Variants in SGCZ observed in about 807,000 individuals in gnomAD.
The protein encoded by SGCZ is zeta-sarcoglycan.
SGCZ carries 40 observed loss-of-function variants against 41.3 expected under a neutral mutation model. The observed-to-expected ratio is 0.97, with a 90% CI of 0.75 to 1.26. SGCZ has a LOEUF of 1.26. SGCZ is among the 50% of genes most tolerant of loss of function. The pLI is 0.00. For missense variants in SGCZ, 552 were observed against 369.8 expected (o/e 1.49, Z -4.04); for synonymous variants, 206 against 137.5 (o/e 1.50, Z -3.49).
chr8:15,212,388 A>G (rs183955864), intron 1 of SGCZ, among the ~76,000 whole-genome samples: 4 of 152,064 alleles, frequency 2.6e-5, no homozygotes, highest in African/African-American at 9.7e-5. Flanking sequence ...TCAGCCCAAC[A>G]TTTTTTAAAA....
At chr8:14,476,940 A>G (rs1801379244) in intron 2 of SGCZ, among the ~76,000 whole-genome samples, 1 of 152,190 alleles carries the variant, frequency 6.6e-6, no homozygotes, top group African/African-American at 2.4e-5. Flanking sequence ...GTGCTTTCCA[A>G]AAGGTACAAA....
At chr8:14,097,811 C>T (rs954217331) in intron 7 of SGCZ, among the ~76,000 whole-genome samples, 4 of 152,114 alleles carry the variant, frequency 2.6e-5, no homozygotes, top group African/African-American at 9.7e-5. Flanking sequence ...CTTAGATCTT[C>T]TTGTTTCATT....
At chr8:15,022,916 T>C (rs2130945486) in intron 1 of SGCZ, among the ~76,000 whole-genome samples, 1 of 152,312 alleles carries the variant, frequency 6.6e-6, no homozygotes, top group African/African-American at 2.4e-5. Context: ...TCACAGCCAG[T>C]GTGTGGCAGA....
At chr8:14,520,831 T>C (rs571627959) in intron 2 of SGCZ, among the ~76,000 whole-genome samples, 1 of 152,256 alleles carries the variant, frequency 6.6e-6, no homozygotes, top group African/African-American at 2.4e-5. Context: ...GAGCATTCTT[T>C]CTCACGCTCT....
chr8:14,409,509 G>A (rs6981852), intron 2 of SGCZ, among the ~76,000 whole-genome samples: 20,455 of 151,912 alleles, frequency 0.13, 3,021 homozygotes, highest in African/African-American at 0.37. Context: ...TTTAAAATAT[G>A]TTTTACATGG....
At chr8:14,502,422 T>C (rs1184549040) in intron 2 of SGCZ, among the ~76,000 whole-genome samples, 3 of 152,156 alleles carry the variant, frequency 2.0e-5, no homozygotes, top group African/African-American at 7.2e-5. Context: ...TAGGGTTATA[T>C]CTACAATACA....
At chr8:14,966,993 C>A (rs1445658005) in intron 1 of SGCZ, among the ~76,000 whole-genome samples, 1 of 152,056 alleles carries the variant, frequency 6.6e-6, no homozygotes, top group East Asian at 1.9e-4. Context: ...TTTATTCATT[C>A]CTTGTACAAT....
intron 3 of SGCZ, among the ~76,000 whole-genome samples, chr8:14,288,531 A>C (rs887752198): frequency 1.3e-5 from 2 of 152,156 alleles, no homozygotes; most frequent in Non-Finnish European, 2.9e-5. Context: ...GGCTTATATA[A>C]TAAATGACCT....
intron 2 of SGCZ, among the ~76,000 whole-genome samples, chr8:14,430,439 A>C (rs1799912109): frequency 6.6e-6 from 1 of 152,168 alleles, no homozygotes; most frequent in African/African-American, 2.4e-5. Flanking sequence ...AATCAAAACC[A>C]AAAATGACAT....
intron 1 of SGCZ, among the ~76,000 whole-genome samples, chr8:15,054,574 T>G (rs1302003257): frequency 2.0e-5 from 3 of 152,168 alleles, no homozygotes; most frequent in African/African-American, 7.2e-5. Context: ...CAGTTTAACA[T>G]GCTGGCGTTG....
intron 2 of SGCZ, among the ~76,000 whole-genome samples, chr8:14,350,411 T>C (rs563684226): frequency 2.0e-5 from 3 of 152,270 alleles, no homozygotes; most frequent in African/African-American, 4.8e-5. Context: ...TTGAATACTA[T>C]GGTATGTCAT....
chr8:14,122,169 C>G (rs769494404), intron 5 of SGCZ, among the ~76,000 whole-genome samples: 28 of 152,006 alleles, frequency 1.8e-4, no homozygotes, highest in Admixed American at 1.2e-3. Flanking sequence ...CCCAGCTACT[C>G]GGGAGGCTGA....
In SGCZ at chr8:14,740,461, G is replaced by A. The variant is rs1348019240; in HGVS notation, c.40-185535C>T. Among the ~76,000 whole-genome samples the A allele has an allele frequency of 3.3e-5, 5 of 152,092 alleles. No individual in the cohort carries two copies. In the East Asian group the frequency reaches 7.7e-4, roughly 24 times the overall value. On this transcript the variant is annotated intron_variant, in intron 1 of 7. Transcript: ENST00000382080. Reference sequence around the variant, plus strand: ...GCTACCAAAGGAATAAGATAATGCTGCCTATCTTAGTGGGGCCCTGTGGAT... The same window carrying A: ...GCTACCAAAGGAATAAGATAATGCTACCTATCTTAGTGGGGCCCTGTGGAT...
chr8:14,653,229 G>A (rs1807459983), intron 1 of SGCZ, among the ~76,000 whole-genome samples: 1 of 151,982 alleles, frequency 6.6e-6, no homozygotes, highest in African/African-American at 2.4e-5. Flanking sequence ...AATGTGACGT[G>A]ACATGACCTG....
chr8:14,170,560 C>T (rs1196014814), intron 4 of SGCZ, among the ~76,000 whole-genome samples: 1 of 152,112 alleles, frequency 6.6e-6, no homozygotes, highest in Non-Finnish European at 1.5e-5. Flanking sequence ...CTATCCACTT[C>T]TATTGACTAC....
chr8:14,150,508 G>A (rs917320291), intron 5 of SGCZ, among the ~76,000 whole-genome samples: 1 of 152,176 alleles, frequency 6.6e-6, no homozygotes, highest in East Asian at 1.9e-4. Context: ...CATATCCAAA[G>A]GACAGGCAAT....
At chr8:14,472,238 A>G (rs906221584) in intron 2 of SGCZ, among the ~76,000 whole-genome samples, 28 of 152,076 alleles carry the variant, frequency 1.8e-4, no homozygotes, top group African/African-American at 6.8e-4. Flanking sequence ...TGATGGAAAA[A>G]CATGAATCTT....
chr8:14,131,467 T>C (rs1015304631), intron 5 of SGCZ, among the ~76,000 whole-genome samples: 2 of 152,210 alleles, frequency 1.3e-5, no homozygotes, highest in African/African-American at 4.8e-5. Flanking sequence ...CCAATTGTAT[T>C]CTGGCCTCTA....
At chr8:14,107,277 G>A (rs775554859) in intron 6 of SGCZ, among the ~76,000 whole-genome samples, 4 of 151,646 alleles carry the variant, frequency 2.6e-5, no homozygotes, top group Non-Finnish European at 5.9e-5. Context: ...TTTGTATTAG[G>A]GATCTAGATT....
Sources: gnomAD v4.1 joint callset for allele counts (sites outside exome capture counted in the v4.1 genomes callset) on GRCh38, gnomAD v4.1.1 for gene constraint, MANE v1.5 for transcripts, NCBI Gene and HGNC (gene_info 2026-07-23, HGNC 2026-07-21) for gene names.